The following SASS6 variants were observed in gnomAD, a reference collection of about 807,000 sequenced individuals.
SASS6 encodes the protein spindle assembly abnormal protein 6 homolog.
Under a neutral mutation model 94.9 loss-of-function variants are expected in SASS6, and 59 were observed. The ratio of observed to expected loss-of-function variants is 0.62; its 90% confidence interval spans 0.50 to 0.77. The LOEUF (loss-of-function observed/expected upper bound fraction) is 0.77, where lower values mean the gene tolerates loss of function less well. Among genes scored for constraint, SASS6 ranks in the 30% least tolerant of loss-of-function variants. The pLI, the probability that SASS6 is intolerant of heterozygous loss-of-function variation, is 0.00. For missense variants in SASS6, 698 were observed against 734.1 expected (o/e 0.95, Z 0.57); for synonymous variants, 264 against 270.0 (o/e 0.98, Z 0.22).
chr1:100,094,184 C>T (rs1457012019), intron 14 of SASS6, among the ~76,000 whole-genome samples: 11 of 152,162 alleles, frequency 7.2e-5, no homozygotes, highest in Non-Finnish European at 4.4e-5. Flanking sequence ...AACAACTCTT[C>T]GCACATAGCT....
intron 14 of SASS6, among the ~76,000 whole-genome samples, chr1:100,097,425 T>C (rs755964415): frequency 3.3e-5 from 5 of 152,152 alleles, no homozygotes; most frequent in African/African-American, 4.8e-5. Context: ...AATGAACAAA[T>C]TGTGGCATAT....
chr1:100,105,910 T>C lies in SASS6; in HGVS notation c.1409-7A>G. 6.4e-7 allele frequency: 1 copy of C among 1,572,170 alleles called. No individual in the cohort carries two copies. Among genetic ancestry groups the C allele is most frequent in the Non-Finnish European group, 8.7e-7 (1 of 1,153,394 alleles). ...TTATTTAACCACGTGATTACTTAAATAAAAGAACAAGAAGCAAGGTAAAGA... is the reference window on the plus strand; with the variant it reads ...TTATTTAACCACGTGATTACTTAAACAAAAGAACAAGAAGCAAGGTAAAGA... On this transcript the variant is annotated splice_polypyrimidine_tract_variant and splice_region_variant and intron_variant, in intron 12 of 16. Transcript: ENST00000287482.
At chr1:100,112,639 T>A (rs550878936) in intron 7 of SASS6, among the ~76,000 whole-genome samples, 166 of 152,326 alleles carry the variant, frequency 1.1e-3, no homozygotes, top group African/African-American at 3.7e-3. Flanking sequence ...CAGCCATTAT[T>A]CCCTATAACA....
At chr1:100,119,830 T>C (rs1286255460) in intron 6 of SASS6, among the ~76,000 whole-genome samples, 2 of 152,226 alleles carry the variant, frequency 1.3e-5, no homozygotes, top group Non-Finnish European at 2.9e-5. Flanking sequence ...GTTGGTGCCA[T>C]GCTTGTACAG....
chr1:100,098,663 T>A (rs923563248), intron 14 of SASS6, among the ~76,000 whole-genome samples: 1 of 151,462 alleles, frequency 6.6e-6, no homozygotes, highest in Non-Finnish European at 1.5e-5. Flanking sequence ...TGTATGAGCA[T>A]CTGGATTGAA....
chr1:100,118,012 T>C (rs1044536325), intron 7 of SASS6, among the ~76,000 whole-genome samples: 3 of 152,092 alleles, frequency 2.0e-5, no homozygotes, highest in African/African-American at 7.2e-5. Context: ...TAAGATCAGG[T>C]GGCATATATT....
At position 100,125,222 on chromosome 1, in the gene SASS6, AGTGTGT is replaced by A. The variant is rs59388922; in HGVS notation, c.126+654_126+659del. Among the ~76,000 whole-genome samples the A allele has an allele frequency of 5.3e-3, 765 of 143,714 alleles. 9 individuals carry two copies. The highest frequency in any genetic ancestry group is 0.019 in the African/African-American group (725 of 39,098). The allele number at this position is 143,714 out of a possible 152,430, so 94.3% of individuals were successfully genotyped here. ...TGAAATGCCAATTCTACAAGGCAGC[AGTGTGT>A]GTGTGTGTGTGTGTGTGTGTGTGTG... is the stretch of plus-strand genomic sequence containing the variant. On this transcript the variant is annotated intron_variant, in intron 2 of 16. Transcript: ENST00000287482.
At chr1:100,128,731 C>T (rs1297354973) in intron 1 of SASS6, among the ~76,000 whole-genome samples, 7 of 152,128 alleles carry the variant, frequency 4.6e-5, no homozygotes, top group Admixed American at 1.3e-4. Context: ...CAATAGATGT[C>T]GTACTCAATA....
At chr1:100,113,510 A>T (rs1342652627) in intron 7 of SASS6, among the ~76,000 whole-genome samples, 1 of 151,824 alleles carries the variant, frequency 6.6e-6, no homozygotes. Context: ...AGTCCCAGCT[A>T]CTCAGGAGGC....
chr1:100,089,261 A>C (rs1288515047), intron 14 of SASS6, among the ~76,000 whole-genome samples: 1 of 152,130 alleles, frequency 6.6e-6, no homozygotes, highest in Non-Finnish European at 1.5e-5. Flanking sequence ...TCTCCCTGGG[A>C]AAGTATCATG....
intron 14 of SASS6, among the ~76,000 whole-genome samples, chr1:100,100,040 T>C (rs867188024): frequency 3.0e-4 from 46 of 152,118 alleles, no homozygotes; most frequent in Middle Eastern, 3.4e-3. Context: ...CCGAGGCAGG[T>C]GGATCACTTG....
At chr1:100,114,089 G>A (rs1026578160) in intron 7 of SASS6, among the ~76,000 whole-genome samples, 1 of 151,978 alleles carries the variant, frequency 6.6e-6, no homozygotes, top group Non-Finnish European at 1.5e-5. Context: ...AACTCAAGAA[G>A]AGAAAATTTA....
chr1:100,121,254 T>C (rs944541239), intron 5 of SASS6, 124 bp downstream of exon 5: 2 of 586,774 alleles, frequency 3.4e-6, no homozygotes, highest in East Asian at 6.3e-5. Flanking sequence ...GTAAAATAAA[T>C]TCGTTATATT....
chr1:100,097,004 A>G (rs554999187), intron 14 of SASS6, among the ~76,000 whole-genome samples: 2 of 152,184 alleles, frequency 1.3e-5, no homozygotes, highest in South Asian at 4.2e-4. Context: ...AACCCCAGCT[A>G]CTCGGGAGGC....
intron 14 of SASS6, among the ~76,000 whole-genome samples, chr1:100,098,993 C>T (rs1652280492): frequency 6.6e-6 from 1 of 152,022 alleles, no homozygotes. Context: ...GGACTGGGGA[C>T]CACAGTAGGG....
chr1:100,121,416 T>C lies in SASS6; in HGVS notation c.445A>G (p.Ile149Val). ...LKLLPGNDVE[I>V]KKFLAGCLKC... ...AAACAGCCTGCGAGAAATTTCTTTATCTCCACATCATTTCCAGGTAAAAGT... is the reference window on the plus strand; with the variant it reads ...AAACAGCCTGCGAGAAATTTCTTTACCTCCACATCATTTCCAGGTAAAAGT... The change falls in exon 5 of 17, where the codon ATA becomes GTA. Residue 149 changes from isoleucine to valine, a missense_variant. Transcript: ENST00000287482. 2 of 1,588,526 alleles carry C rather than the reference T, an allele frequency of 1.3e-6. No homozygotes were observed. Among genetic ancestry groups the C allele is most frequent in the South Asian group, 2.3e-5 (2 of 85,768 alleles).
rs1294438513 is a variant in SASS6, at chr1:100,110,407, T to C, written c.746A>G (p.Gln249Arg). Residue 249 changes from glutamine to arginine, a missense_variant, in exon 8 of 17, where the codon CAG becomes CGG. Coordinates refer to ENST00000287482, the MANE Select transcript of SASS6 (RefSeq NM_194292.3). ...LEILHQQNIH[Q>R]LQNRLSELEA... is the part of the protein sequence containing the mutation. ...TAACTCAGACAGTCTGTTTTGTAGC[T>C]GGTGGATGTTTTGTTGATGGAGGAT... The C allele has an allele frequency of 8.7e-6, 14 of 1,611,114 alleles. No individual in the cohort carries two copies. The highest frequency in any genetic ancestry group is 1.2e-5 in the Non-Finnish European group (14 of 1,177,752).
rs1249059192 is a variant in SASS6 at position 100,121,580 on chromosome 1, ACT to A, written c.312-33_312-32del. 3.1e-6 allele frequency: 4 copies of A among 1,270,694 alleles called. No homozygotes were observed. The African/African-American group carries it at 6.0e-5, about 19-fold the overall frequency. The allele number at this position is 1,270,694 out of a possible 1,614,324, so 78.7% of individuals were successfully genotyped here. On this transcript the variant is annotated intron_variant, in intron 4 of 16. Transcript: ENST00000287482. ...AAAAGAAAATGTTACATTATAACAC[ACT>A]TAAGAGATAGTGAAAATCTCTCACT...
chr1:100,124,648 T>A (rs1654434485), intron 2 of SASS6, among the ~76,000 whole-genome samples: 1 of 152,216 alleles, frequency 6.6e-6, no homozygotes, highest in Non-Finnish European at 1.5e-5. Flanking sequence ...CCCAAAGTGC[T>A]GGGATTACAG....
Sources: gnomAD v4.1 joint callset for allele counts (sites outside exome capture counted in the v4.1 genomes callset) on GRCh38, gnomAD v4.1.1 for gene constraint, MANE v1.5 for transcripts, NCBI Gene and HGNC (gene_info 2026-07-23, HGNC 2026-07-21) for gene names.